The following MDGA1 variants were observed in gnomAD, a reference collection of about 807,000 sequenced individuals.
MDGA1 encodes MAM domain-containing glycosylphosphatidylinositol anchor protein 1.
A neutral mutation model predicts 101.5 loss-of-function variants in MDGA1; 54 were observed. The observed-to-expected ratio is 0.53, with a 90% CI of 0.43 to 0.67. The LOEUF (loss-of-function observed/expected upper bound fraction) is 0.67, where lower values mean the gene tolerates loss of function less well. Among genes scored for constraint, MDGA1 ranks in the 30% least tolerant of loss-of-function variants. The pLI is 0.00. For missense variants in MDGA1, 1,083 were observed against 1,323.8 expected (o/e 0.82, Z 2.82); for synonymous variants, 533 against 558.3 (o/e 0.95, Z 0.64).
At chr6:37,663,562 G>T (rs1356634851) in intron 2 of MDGA1, among the ~76,000 whole-genome samples, 9 of 152,194 alleles carry the variant, frequency 5.9e-5, no homozygotes, top group African/African-American at 2.2e-4. Context: ...CTGCAAAAGG[G>T]GGTCACTAAT....
chr6:37,687,628 T>G (rs1762224031), intron 1 of MDGA1, among the ~76,000 whole-genome samples: 1 of 152,024 alleles, frequency 6.6e-6, no homozygotes, highest in Non-Finnish European at 1.5e-5. Flanking sequence ...GCTCTGAAAT[T>G]TTCACTTTCT....
intron 1 of MDGA1, among the ~76,000 whole-genome samples, chr6:37,665,398 C>T (rs1307863425): frequency 2.6e-5 from 4 of 152,208 alleles, no homozygotes; most frequent in South Asian, 2.1e-4. Context: ...GTGATGGAAC[C>T]GACTCTGTGG....
intron 1 of MDGA1, among the ~76,000 whole-genome samples, chr6:37,666,546 A>G (rs1348029586): frequency 6.6e-6 from 1 of 152,132 alleles, no homozygotes; most frequent in Non-Finnish European, 1.5e-5. Flanking sequence ...TGTCTAGAGT[A>G]TGCATCACTC....
At chr6:37,663,873 G>C in intron 2 of MDGA1, 94 bp downstream of exon 2, 2 of 1,402,992 alleles carry the variant, frequency 1.4e-6, no homozygotes, top group Non-Finnish European at 2.0e-6. Context: ...GCGGTGCATC[G>C]TGAGTCCTCA....
Position 37,658,468 on chromosome 6 carries a change from G to A in MDGA1, c.208-49C>T, listed in dbSNP as rs777810829. On this transcript the variant is annotated intron_variant, in intron 2 of 16. Coordinates refer to ENST00000434837, the MANE Select transcript of MDGA1 (RefSeq NM_153487.4). ...TCAGACTGTCAGACTCACACGGGGT[G>A]GGGGCCTCAGCGCTGAGTGCCCTGC... 26 of 1,547,706 alleles carry A rather than the reference G, an allele frequency of 1.7e-5. 1 individual carries two copies. The South Asian group carries it at 3.1e-4, about 18-fold the overall frequency.
chr6:37,647,375 A>G (rs779193728), intron 9 of MDGA1, 51 bp from the exon 10 acceptor site: 133 of 1,200,464 alleles, frequency 1.1e-4, no homozygotes, highest in Non-Finnish European at 1.5e-4. Flanking sequence ...CAGGGGAGAC[A>G]CAAAGAGAGG....
intron 1 of MDGA1, among the ~76,000 whole-genome samples, chr6:37,683,300 T>C (rs1762133635): frequency 6.6e-6 from 1 of 152,200 alleles, no homozygotes; most frequent in Non-Finnish European, 1.5e-5. Context: ...GTCTGGTGGC[T>C]GCAGGCAAGA....
chr6:37,684,144 G>A (rs1323240094), intron 1 of MDGA1, among the ~76,000 whole-genome samples: 1 of 152,210 alleles, frequency 6.6e-6, no homozygotes, highest in Non-Finnish European at 1.5e-5. Context: ...TATTCCCAGA[G>A]TAACCTTCTG....
chr6:37,643,926 C>T lies in MDGA1; in HGVS notation c.2419G>A (p.Glu807Lys). The T allele has an allele frequency of 3.1e-6, 5 of 1,613,876 alleles. No homozygotes were observed. Among genetic ancestry groups the T allele is most frequent in the Admixed American group, 1.7e-5 (1 of 60,018 alleles). ...CCCAGCTCCCGAGGCCTCGATGTCTCGATGAACATGTAGTAGCCTGCGGGG... is the reference window on the plus strand; with the variant it reads ...CCCAGCTCCCGAGGCCTCGATGTCTTGATGAACATGTAGTAGCCTGCGGGG... Reference protein sequence around the residue: ...GTPEGYYMFIETSRPRELGDR... With the variant: ...GTPEGYYMFIKTSRPRELGDR... The change falls in exon 14 of 17, where the codon GAG (glutamate) becomes AAG (lysine). Residue 807 changes from glutamate (E) to lysine (K), a missense_variant. This residue lies in a region of MDGA1 where 657 missense variants were observed against 771.4 expected (regional missense o/e 0.85). Transcript: ENST00000434837.
In MDGA1 at chr6:37,650,148, C is replaced by G. The variant is rs926115220; in HGVS notation, c.1570G>C (p.Val524Leu). The change falls in exon 8 of 17, where the codon GTG becomes CTG. Residue 524 changes from valine to leucine, a missense_variant. Physicochemically the swap from Val to Leu is conservative, Grantham distance 32. Around this residue, in one of 3 missense-constraint regions of MDGA1, gnomAD observed 657 missense variants for 771.4 expected, o/e 0.85. Coordinates refer to ENST00000434837, the MANE Select transcript of MDGA1 (RefSeq NM_153487.4). ...TGCACCTGGGCCTCACGGGGGCGCA[C>G]GTTGAAGCCATTATAGCGGGCCGTC... The part of the protein sequence containing the change: ...CQTARYNGFN[V>L]RPREAQVQLN... 32 of 1,607,650 alleles carry G rather than the reference C, an allele frequency of 2.0e-5. No individual in the cohort carries two copies. Among genetic ancestry groups the G allele is most frequent in the Non-Finnish European group, 2.6e-5 (30 of 1,175,152 alleles).
At chr6:37,684,131 AG>A in intron 1 of MDGA1, among the ~76,000 whole-genome samples, 1 of 152,340 alleles carries the variant, frequency 6.6e-6, no homozygotes, top group Non-Finnish European at 1.5e-5. Context: ...TAGGGCTGCC[AG>A]GTATTCCCAG....
chr6:37,666,191 C>CAAAAAAAAAAAAAAAAAAAAAAAA (rs146449734), intron 1 of MDGA1, among the ~76,000 whole-genome samples: 1 of 122,258 alleles, frequency 8.2e-6, no homozygotes, highest in African/African-American at 2.9e-5. Context: ...ACTAAAAATA[C>CAAAAAAAAAAAAAAAAAAAAAAAA]AAAAAAAAAA....
chr6:37,676,593 T>A (rs1211078483), intron 1 of MDGA1, among the ~76,000 whole-genome samples: 1 of 151,858 alleles, frequency 6.6e-6, no homozygotes, highest in African/African-American at 2.4e-5. Context: ...TTCCACAGAG[T>A]GCAGTAGAAA....
chr6:37,696,538 C>G lies in MDGA1; in HGVS notation c.67+207G>C, dbSNP rs1244399488. 6.6e-6 allele frequency among the ~76,000 whole-genome samples: 1 copy of G among 152,196 alleles called. No individual in the cohort carries two copies. The highest frequency in any genetic ancestry group is 1.5e-5 in the Non-Finnish European group (1 of 68,030). On this transcript the variant is annotated intron_variant, in intron 1 of 16. Transcript: ENST00000434837. The surrounding 1 kb of genome is among the most constrained non-coding windows in gnomAD (Gnocchi z 5.6). ...AAGTGGGTGCCTCCTCCTGACATCC[C>G]GGCTTCCCACCAGACCCTACGACCG... is the stretch of plus-strand genomic sequence containing the variant.
chr6:37,673,263 C>T (rs757973115), intron 1 of MDGA1, among the ~76,000 whole-genome samples: 3 of 152,164 alleles, frequency 2.0e-5, no homozygotes, highest in Non-Finnish European at 2.9e-5. Flanking sequence ...CTGGTGGGAC[C>T]GATGCTGTGC....
chr6:37,653,867 T>C (rs1447131896), intron 6 of MDGA1, among the ~76,000 whole-genome samples: 1 of 152,182 alleles, frequency 6.6e-6, no homozygotes, highest in East Asian at 1.9e-4. Flanking sequence ...TATTTTCACT[T>C]AAATTCAGTT....
intron 1 of MDGA1, among the ~76,000 whole-genome samples, chr6:37,682,229 A>G (rs1487256653): frequency 6.6e-6 from 1 of 152,220 alleles, no homozygotes; most frequent in East Asian, 1.9e-4. Context: ...TTATGCCTGT[A>G]ATCCCAGCAC....
chr6:37,638,395 C>T lies in MDGA1; in HGVS notation c.2668-82G>A. ...GAGTGCTCCCTCGACCCCACCTTTC[C>T]CCTTAATCTACCTGGAAGTTCCCCC... On this transcript the variant is annotated intron_variant, in intron 15 of 16. Coordinates refer to ENST00000434837, the MANE Select transcript of MDGA1 (RefSeq NM_153487.4). This position sits in a 1 kb window ranked among gnomAD's most constrained non-coding sequence, Gnocchi z 4.8. 2 of 1,505,040 alleles carry T rather than the reference C, an allele frequency of 1.3e-6. No homozygotes were observed. Among genetic ancestry groups the T allele is most frequent in the Non-Finnish European group, 1.8e-6 (2 of 1,103,654 alleles). The allele number at this position is 1,505,040 out of a possible 1,614,324, so 93.2% of individuals were successfully genotyped here.
chr6:37,679,831 CTG>C (rs1249486262), intron 1 of MDGA1, among the ~76,000 whole-genome samples: 3 of 152,164 alleles, frequency 2.0e-5, no homozygotes, highest in Non-Finnish European at 4.4e-5. Flanking sequence ...CATGGGGTAA[CTG>C]AGGCACAGTG....
Sources: allele counts gnomAD v4.1 joint callset (sites outside exome capture counted in the v4.1 genomes callset), GRCh38; gene constraint gnomAD v4.1.1; regional missense constraint gnomAD v4.1.1; non-coding constraint Gnocchi (gnomAD v3.1); transcripts MANE v1.5; gene names NCBI Gene and HGNC (gene_info 2026-07-23, HGNC 2026-07-21).